POP1: variants seen among roughly 807,000 people sequenced by gnomAD.
POP1 encodes the protein POP1 ribonuclease P/MRP subunit, also known as ribonucleases P/MRP protein subunit POP1.
POP1 carries 75 observed loss-of-function variants against 102.2 expected under a neutral mutation model. The ratio of observed to expected loss-of-function variants is 0.73; its 90% CI spans 0.61 to 0.89. The LOEUF (loss-of-function observed/expected upper bound fraction) is 0.89, where lower values mean the gene tolerates loss of function less well. Ranked by LOEUF, POP1 falls within the 40% of genes least tolerant of loss-of-function variation. POP1 has a pLI of 0.00. For missense variants in POP1, 1,116 were observed against 1,267.4 expected, an observed-to-expected ratio of 0.88 and a Z score of 1.81; for synonymous variants, 436 against 464.1, an observed-to-expected ratio of 0.94 and a Z score of 0.78.
intron 2 of POP1, among the ~76,000 whole-genome samples, chr8:98,126,026 T>C (rs1225206874): frequency 6.6e-6 from 1 of 151,818 alleles, no homozygotes; most frequent in African/African-American, 2.4e-5. Flanking sequence ...TTTTTTTTTT[T>C]TTTGGTAGAG....
rs1370939798 is a variant in POP1, at chr8:98,117,405, G to T, written c.-3+15G>T. On this transcript the variant is annotated intron_variant, in intron 1 of 15. Transcript: ENST00000401707. ...GCGTCTGGCAGGTTGGTCGTGAGGG[G>T]CTGGTGCCTTCCAGGATGCGAGTGT... 2 of 395,888 alleles carry T rather than the reference G, an allele frequency of 5.1e-6. No homozygotes were observed. The allele number at this position is 395,888 out of a possible 1,614,324, so 24.5% of individuals were successfully genotyped here. A position where few individuals can be genotyped will look rare whatever the true frequency, so the allele number is the denominator to read the frequency against.
intron 14 of POP1, 79 bp downstream of exon 14, chr8:98,150,718 A>T (rs1809493444): frequency 7.2e-7 from 1 of 1,388,234 alleles, no homozygotes; most frequent in Admixed American, 1.8e-5. Flanking sequence ...CCCAAACATT[A>T]GGATGGCTTT....
At chr8:98,155,502 C>T (rs1250949238) in intron 14 of POP1, among the ~76,000 whole-genome samples, 1 of 151,924 alleles carries the variant, frequency 6.6e-6, no homozygotes, top group Non-Finnish European at 1.5e-5. Context: ...AGGCTGGTCT[C>T]GAACTCCTGA....
Position 98,157,759 on chromosome 8 carries a change from G to T in POP1, c.2563G>T (p.Ala855Ser). Residue 855 changes from alanine to serine, a missense_variant, in exon 16 of 16, where the codon GCC (alanine) becomes TCC (serine). Coordinates refer to ENST00000401707, the MANE Select transcript of POP1 (RefSeq NM_001145860.2). ...GTCCATCTTGGGCCACTTCCCCAGGGCCCTGGTTTGGGTCAGCCTGTCCCT... is the reference window on the plus strand; with the variant it reads ...GTCCATCTTGGGCCACTTCCCCAGGTCCCTGGTTTGGGTCAGCCTGTCCCT... ...CLSILGHFPR[A>S]LVWVSLSLLS... 6.2e-7 allele frequency: 1 copy of T among 1,614,204 alleles called. No homozygotes were observed. Among genetic ancestry groups the T allele is most frequent in the Middle Eastern group, 1.6e-4 (1 of 6,062 alleles).
Position 98,158,046 on chromosome 8 carries a change from C to G in POP1, c.2850C>G (p.Gly950=), listed in dbSNP as rs1416466074. ...QEALTLGLWS[G]PLPRVTLHCS... ...CTCTGACTCTAGGGCTGTGGTCAGG[C>G]CCTCTGCCGCGTGTGACGTTGCACT... Residue 950 remains glycine, a synonymous_variant, in exon 16 of 16, where the codon GGC becomes GGG. Coordinates refer to ENST00000401707, the MANE Select transcript of POP1 (RefSeq NM_001145860.2). 1 of 1,610,144 alleles carries G rather than the reference C, an allele frequency of 6.2e-7. No individual in the cohort carries two copies. Among genetic ancestry groups the G allele is most frequent in the Non-Finnish European group, 8.5e-7 (1 of 1,179,888 alleles).
chr8:98,121,832 G>C (rs544664563), intron 1 of POP1, among the ~76,000 whole-genome samples: 1 of 151,964 alleles, frequency 6.6e-6, no homozygotes, highest in African/African-American at 2.4e-5. Flanking sequence ...ACAGGCGCCC[G>C]CCACCATGCC....
At chr8:98,142,009 CTT>C (rs1816718580) in intron 11 of POP1, among the ~76,000 whole-genome samples, 1 of 152,066 alleles carries the variant, frequency 6.6e-6, no homozygotes, top group Non-Finnish European at 1.5e-5. Flanking sequence ...AAGCCTAAGA[CTT>C]TACTCAATGA....
intron 14 of POP1, among the ~76,000 whole-genome samples, chr8:98,152,171 T>C (rs1453827393): frequency 6.6e-6 from 1 of 152,242 alleles, no homozygotes; most frequent in Non-Finnish European, 1.5e-5. Context: ...TAGTATGTAG[T>C]TGAGAGGCTT....
chr8:98,157,913 G>C lies in POP1; in HGVS notation c.2717G>C (p.Ser906Thr). 6.2e-7 allele frequency: 1 copy of C among 1,614,158 alleles called. No homozygotes were observed. Among genetic ancestry groups the C allele is most frequent in the Non-Finnish European group, 8.5e-7 (1 of 1,180,014 alleles). The change falls in exon 16 of 16, where the codon AGC becomes ACC. Residue 906 changes from serine (S) to threonine (T), a missense_variant. Ser to Thr is a moderately conservative substitution (Grantham distance 58). Coordinates refer to ENST00000401707, the MANE Select transcript of POP1 (RefSeq NM_001145860.2). ...QESKHSDPFR[S>T]KILKQKEKKK... ...TCCAAACACAGTGACCCATTCAGGAGCAAGATCCTGAAACAGAAAGAGAAG... is the reference window on the plus strand; with the variant it reads ...TCCAAACACAGTGACCCATTCAGGACCAAGATCCTGAAACAGAAAGAGAAG...
chr8:98,128,065 A>G (rs550980333), intron 3 of POP1, among the ~76,000 whole-genome samples: 1 of 152,260 alleles, frequency 6.6e-6, no homozygotes, highest in African/African-American at 2.4e-5. Context: ...CACACTCAGC[A>G]CAGCATTCTC....
Position 98,158,055 on chromosome 8 carries a change from G to A in POP1, c.2859G>A (p.Pro953=), listed in dbSNP as rs200612133. The change falls in exon 16 of 16, where the codon CCG becomes CCA. Residue 953 remains proline, a synonymous_variant. Coordinates refer to ENST00000401707, the MANE Select transcript of POP1 (RefSeq NM_001145860.2). Reference sequence around the variant, plus strand: ...TAGGGCTGTGGTCAGGCCCTCTGCCGCGTGTGACGTTGCACTGCTCCAGAA... The same window carrying A: ...TAGGGCTGTGGTCAGGCCCTCTGCCACGTGTGACGTTGCACTGCTCCAGAA... ...LTLGLWSGPL[P]RVTLHCSRTL... 9.5e-5 allele frequency: 153 copies of A among 1,609,718 alleles called. No homozygotes were observed. The highest frequency in any genetic ancestry group is 2.2e-4 in the East Asian group (10 of 44,896).
intron 3 of POP1, 46 bp from the exon 4 acceptor site, chr8:98,128,319 T>C: frequency 6.3e-7 from 1 of 1,587,714 alleles, no homozygotes; most frequent in South Asian, 1.1e-5. Context: ...TTCTCCAATG[T>C]TAATTCAAGA....
intron 11 of POP1, among the ~76,000 whole-genome samples, chr8:98,144,163 A>G (rs1008916082): frequency 6.6e-6 from 1 of 152,168 alleles, no homozygotes. Context: ...CATCTAAAAA[A>G]AAACCCAAAA....
intron 12 of POP1, among the ~76,000 whole-genome samples, chr8:98,147,617 T>G (rs905884497): frequency 6.6e-6 from 1 of 152,040 alleles, no homozygotes; most frequent in Non-Finnish European, 1.5e-5. Flanking sequence ...AGAGAGACTG[T>G]GGGTTGGATG....
intron 13 of POP1, 144 bp downstream of exon 13, chr8:98,149,150 T>C (rs1398032309): frequency 1.3e-6 from 1 of 774,432 alleles, no homozygotes; most frequent in Non-Finnish European, 2.1e-6. Context: ...TAGTCCTGGA[T>C]ACAAGATACT....
chr8:98,127,811 G>A, intron 3 of POP1, 49 bp downstream of exon 3: 1 of 1,586,396 alleles, frequency 6.3e-7, no homozygotes, highest in Non-Finnish European at 8.7e-7. Flanking sequence ...GAACTCTCGT[G>A]TCTAGTGCAG....
At chr8:98,130,353 C>A in intron 5 of POP1, 127 bp downstream of exon 5, 1 of 1,387,666 alleles carries the variant, frequency 7.2e-7, no homozygotes, top group Non-Finnish European at 1.0e-6. Context: ...AATTCCTGAG[C>A]ATGAAGCCCG....
intron 11 of POP1, among the ~76,000 whole-genome samples, chr8:98,142,805 C>T (rs1395310677): frequency 6.6e-6 from 1 of 152,106 alleles, no homozygotes; most frequent in Non-Finnish European, 1.5e-5. Flanking sequence ...AGAGGTCATC[C>T]CTTTATATTT....
At position 98,156,228 on chromosome 8, in the gene POP1, G is replaced by A; in HGVS notation, c.2236G>A (p.Ala746Thr). ...SDLRRSEVPC[A>T]PMPKKTHQPS... Reference sequence around the variant, plus strand: ...CCTAAGAAGATCTGAGGTGCCTTGTGCTCCCATGCCTAAAAAAACTCATCA... The same window carrying A: ...CCTAAGAAGATCTGAGGTGCCTTGTACTCCCATGCCTAAAAAAACTCATCA... The change falls in exon 15 of 16, where the codon GCT becomes ACT. Residue 746 changes from alanine to threonine, a missense_variant. Transcript: ENST00000401707. 1.2e-6 allele frequency: 2 copies of A among 1,614,042 alleles called. No individual in the cohort carries two copies. Among genetic ancestry groups the A allele is most frequent in the Non-Finnish European group, 1.7e-6 (2 of 1,180,012 alleles).
Sources: allele counts gnomAD v4.1 joint callset (sites outside exome capture counted in the v4.1 genomes callset), GRCh38; gene constraint gnomAD v4.1.1; transcripts MANE v1.5; gene names NCBI Gene and HGNC (gene_info 2026-07-23, HGNC 2026-07-21).